Variants in ADCK1 observed in about 807,000 individuals in gnomAD.
ADCK1 encodes aarF domain-containing protein kinase 1.
Under a neutral mutation model 52.3 loss-of-function variants are expected in ADCK1, and 41 were observed. That is an observed-to-expected ratio of 0.78 (90% CI 0.61 to 1.02). The LOEUF is 1.02. Ranked by LOEUF, ADCK1 falls within the 50% of genes least tolerant of loss-of-function variation. ADCK1 has a pLI of 0.00. For missense variants in ADCK1, 658 were observed against 679.5 expected, an observed-to-expected ratio of 0.97 and a Z score of 0.35; for synonymous variants, 250 against 274.6, an observed-to-expected ratio of 0.91 and a Z score of 0.89.
chr14:77,838,108 C>A (rs2081997092), intron 3 of ADCK1, among the ~76,000 whole-genome samples: 2 of 152,310 alleles, frequency 1.3e-5, no homozygotes, highest in South Asian at 2.1e-4. Context: ...TGGCCCCAAG[C>A]AGCTATTTTC....
chr14:77,822,294 G>C (rs1363743734), intron 2 of ADCK1, 141 bp from the exon 3 acceptor site: 26 of 664,816 alleles, frequency 3.9e-5, no homozygotes, highest in Non-Finnish European at 6.8e-5. Context: ...ATAAGATCCA[G>C]GGGCCAGGCA....
intron 3 of ADCK1, chr14:77,827,833 G>A (rs745611745): frequency 1.4e-5 from 5 of 369,924 alleles, no homozygotes; most frequent in Non-Finnish European, 2.6e-5. Context: ...TTTTTAAAAG[G>A]CTTTTTTTTT....
chr14:77,925,288 C>T (rs940949523), intron 8 of ADCK1, among the ~76,000 whole-genome samples: 1 of 152,250 alleles, frequency 6.6e-6, no homozygotes, highest in African/African-American at 2.4e-5. Context: ...ATTGCTTGCT[C>T]ACATGCCAGT....
intron 3 of ADCK1, among the ~76,000 whole-genome samples, chr14:77,824,591 G>A (rs8004653): frequency 0.013 from 1,918 of 151,752 alleles, 41 homozygotes; most frequent in African/African-American, 0.044. Flanking sequence ...GCACCACCAC[G>A]CCTGGCTAAT....
intron 7 of ADCK1, among the ~76,000 whole-genome samples, chr14:77,913,283 G>T (rs1325078559): frequency 6.6e-6 from 1 of 152,154 alleles, no homozygotes; most frequent in African/African-American, 2.4e-5. Flanking sequence ...TGAAGCCAGG[G>T]GCTCAGGCCT....
chr14:77,894,129 A>G (rs998637358), intron 5 of ADCK1, among the ~76,000 whole-genome samples: 11 of 152,218 alleles, frequency 7.2e-5, no homozygotes, highest in African/African-American at 2.4e-4. Flanking sequence ...ATTTTTTAAA[A>G]TATATATTAA....
At chr14:77,881,105 C>T (rs2083012848) in intron 4 of ADCK1, among the ~76,000 whole-genome samples, 1 of 152,226 alleles carries the variant, frequency 6.6e-6, no homozygotes, top group African/African-American at 2.4e-5. Flanking sequence ...GTCCCACCTA[C>T]AAAACTTTGT....
chr14:77,802,722 G>A lies in ADCK1; in HGVS notation c.-12+2552G>A, dbSNP rs533473894. Among the ~76,000 whole-genome samples the A allele has an allele frequency of 5.9e-5, 9 of 152,228 alleles. No individual in the cohort carries two copies. In the South Asian group the frequency reaches 8.3e-4, roughly 14 times the overall value. ...TCCCAGCACTTTGGGAAGCCAAGGC[G>A]GGCGGATCACGAGGTCAGGAGATCG... On this transcript the variant is annotated intron_variant, in intron 1 of 10. Transcript: ENST00000238561.
chr14:77,814,483 C>G (rs1300139031), intron 1 of ADCK1, among the ~76,000 whole-genome samples: 1 of 150,734 alleles, frequency 6.6e-6, no homozygotes, highest in Non-Finnish European at 1.5e-5. Flanking sequence ...CATCTGTAAT[C>G]TCAGCACTTT....
chr14:77,827,985 T>A, intron 3 of ADCK1: 2 of 293,386 alleles, frequency 6.8e-6, no homozygotes, highest in Non-Finnish European at 1.3e-5. Context: ...AGTGCCACCA[T>A]GCCCGGATAA....
intron 2 of ADCK1, 49 bp from the exon 3 acceptor site, chr14:77,822,386 G>A (rs1166805044): frequency 1.2e-5 from 17 of 1,467,782 alleles, no homozygotes; most frequent in Non-Finnish European, 1.6e-5. Flanking sequence ...CAGAGTAGTA[G>A]TACTTAATGT....
intron 1 of ADCK1, among the ~76,000 whole-genome samples, chr14:77,816,160 C>T (rs954106302): frequency 7.9e-5 from 12 of 151,990 alleles, no homozygotes; most frequent in African/African-American, 2.4e-4. Flanking sequence ...TCAGGTGTTC[C>T]TCTGATTATA....
At chr14:77,800,224 G>C (rs2081078789) in intron 1 of ADCK1, 54 bp downstream of exon 1, 1 of 152,318 alleles carries the variant, frequency 6.6e-6, no homozygotes, top group Admixed American at 6.5e-5. Flanking sequence ...CGACCAGCCT[G>C]GCAGGGCCGC....
At chr14:77,875,740 G>C (rs139729380) in intron 4 of ADCK1, among the ~76,000 whole-genome samples, 1 of 152,160 alleles carries the variant, frequency 6.6e-6, no homozygotes, top group Non-Finnish European at 1.5e-5. Flanking sequence ...GGAAGATGTC[G>C]CTTCAACTGA....
intron 4 of ADCK1, among the ~76,000 whole-genome samples, chr14:77,863,184 A>G (rs1407146707): frequency 2.0e-5 from 3 of 152,066 alleles, no homozygotes; most frequent in Admixed American, 2.0e-4. Flanking sequence ...GAGGGAGAGG[A>G]GGACTTGGGG....
chr14:77,870,747 G>A lies in ADCK1; in HGVS notation c.423+11468G>A, dbSNP rs191938862. ...AATGCCATGGTTATGGCTCTTGAAG[G>A]ACTTGCCCTGGCAGTTGGCCCCATG... On this transcript the variant is annotated intron_variant, in intron 4 of 10. Coordinates refer to ENST00000238561, the MANE Select transcript of ADCK1 (RefSeq NM_020421.4). 7.2e-4 allele frequency among the ~76,000 whole-genome samples: 110 copies of A among 152,342 alleles called. 1 individual carries two copies. The highest frequency in any genetic ancestry group is 2.5e-3 in the African/African-American group (102 of 41,574).
chr14:77,853,617 C>T (rs2082358669), intron 3 of ADCK1, among the ~76,000 whole-genome samples: 1 of 152,118 alleles, frequency 6.6e-6, no homozygotes, highest in Non-Finnish European at 1.5e-5. Context: ...GGTGTTGCCA[C>T]AAATGTCCCA....
intron 3 of ADCK1, 133 bp from the exon 4 acceptor site, chr14:77,858,943 T>G: frequency 1.3e-6 from 1 of 760,152 alleles, no homozygotes; most frequent in Non-Finnish European, 2.1e-6. Context: ...TGTGTGTGCG[T>G]GTGTGTGCAT....
intron 3 of ADCK1, chr14:77,827,851 T>C (rs1342376060): frequency 2.4e-6 from 1 of 420,590 alleles, no homozygotes; most frequent in Non-Finnish European, 4.6e-6. Context: ...TTTTTTGAGC[T>C]AGAGTCTTGC....
Sources: gnomAD v4.1 joint callset for allele counts (sites outside exome capture counted in the v4.1 genomes callset) on GRCh38, gnomAD v4.1.1 for gene constraint, MANE v1.5 for transcripts, NCBI Gene and HGNC (gene_info 2026-07-23, HGNC 2026-07-21) for gene names.